The following ROBO1 variants were observed in gnomAD, a reference collection of about 807,000 sequenced individuals.
ROBO1 encodes roundabout homolog 1.
A neutral mutation model predicts 195.9 loss-of-function variants in ROBO1; 149 were observed. The ratio of observed to expected loss-of-function variants is 0.76; its 90% CI spans 0.67 to 0.87. The LOEUF (loss-of-function observed/expected upper bound fraction) is 0.87, where lower values mean the gene tolerates loss of function less well. Ranked by LOEUF, ROBO1 falls within the 40% of genes least tolerant of loss-of-function variation. ROBO1 has a pLI of 0.00. For missense variants in ROBO1, 1,933 were observed against 2,068.3 expected (o/e 0.93, Z 1.27); for synonymous variants, 816 against 733.2 (o/e 1.11, Z -1.82).
chr3:79,516,506 A>G lies in ROBO1; in HGVS notation c.88+73318T>C, dbSNP rs1940951031. On this transcript the variant is annotated intron_variant, in intron 2 of 30. Transcript: ENST00000464233. ...CAATCCTCCCTACTGCCACACTGAT[A>G]CACAGACTGCCATTATTTTTAGTTA... 2.0e-5 allele frequency among the ~76,000 whole-genome samples: 3 copies of G among 152,158 alleles called. No homozygotes were observed. The South Asian group carries it at 6.2e-4, about 32-fold the overall frequency.
chr3:79,285,467 A>G (rs2031829220), intron 2 of ROBO1, among the ~76,000 whole-genome samples: 1 of 152,194 alleles, frequency 6.6e-6, no homozygotes, highest in South Asian at 2.1e-4. Context: ...ACACTACTCA[A>G]TCTGTGCCTA....
At chr3:79,499,795 A>T (rs1488103929) in intron 2 of ROBO1, among the ~76,000 whole-genome samples, 1 of 152,160 alleles carries the variant, frequency 6.6e-6, no homozygotes, top group Non-Finnish European at 1.5e-5. Context: ...CTTCATTAAG[A>T]TCAATGACTG....
intron 4 of ROBO1, among the ~76,000 whole-genome samples, chr3:78,879,235 G>A (rs1180497994): frequency 6.6e-6 from 1 of 151,966 alleles, no homozygotes; most frequent in Admixed American, 6.6e-5. Flanking sequence ...TTACACGCAG[G>A]GTTGAAGACA....
At chr3:79,631,576 GC>G (rs1472419503) in intron 1 of ROBO1, among the ~76,000 whole-genome samples, 1 of 151,908 alleles carries the variant, frequency 6.6e-6, no homozygotes, top group Non-Finnish European at 1.5e-5. Context: ...ATGGACCCAG[GC>G]AAAAAATTTA....
chr3:79,745,294 T>C (rs1219543697), intron 1 of ROBO1, among the ~76,000 whole-genome samples: 1 of 152,206 alleles, frequency 6.6e-6, no homozygotes, highest in African/African-American at 2.4e-5. Context: ...TACTTAAAGA[T>C]GTTAAAACAC....
At chr3:79,235,931 A>G (rs1271939617) in intron 2 of ROBO1, among the ~76,000 whole-genome samples, 4 of 152,296 alleles carry the variant, frequency 2.6e-5, no homozygotes, top group Admixed American at 6.5e-5. Context: ...AATGAAAATA[A>G]TGACAACAAT....
At chr3:79,207,960 T>A (rs2108794730) in intron 2 of ROBO1, among the ~76,000 whole-genome samples, 1 of 152,194 alleles carries the variant, frequency 6.6e-6, no homozygotes, top group Non-Finnish European at 1.5e-5. Context: ...GAGGTGAAAA[T>A]ATCTGACATA....
intron 5 of ROBO1, among the ~76,000 whole-genome samples, chr3:78,739,361 T>C (rs2082468721): frequency 1.3e-5 from 2 of 152,174 alleles, no homozygotes. Flanking sequence ...TCATTTGTTA[T>C]ATAATATCTC....
intron 2 of ROBO1, among the ~76,000 whole-genome samples, chr3:79,402,512 T>C (rs898616049): frequency 1.3e-5 from 2 of 151,896 alleles, no homozygotes; most frequent in African/African-American, 4.8e-5. Flanking sequence ...ATTACAGCAC[T>C]AATAATAATA....
chr3:79,305,487 CAAA>C (rs755731665), intron 2 of ROBO1, among the ~76,000 whole-genome samples: 11 of 55,692 alleles, frequency 2.0e-4, no homozygotes, highest in Non-Finnish European at 3.6e-4. Context: ...AACTCCATCT[CAAA>C]AAAAAAAAAA....
intron 4 of ROBO1, among the ~76,000 whole-genome samples, chr3:78,854,625 T>C (rs1156802250): frequency 1.3e-5 from 2 of 151,538 alleles, no homozygotes; most frequent in African/African-American, 4.8e-5. Context: ...AAAGCATGTA[T>C]TAGTTTTATA....
chr3:78,939,378 G>A (rs1022622736), intron 3 of ROBO1, among the ~76,000 whole-genome samples: 3 of 151,956 alleles, frequency 2.0e-5, no homozygotes, highest in South Asian at 2.1e-4. Flanking sequence ...ACTTTGGGGG[G>A]CCGAGGCGGG....
At chr3:79,214,501 C>A (rs1429093417) in intron 2 of ROBO1, among the ~76,000 whole-genome samples, 1 of 151,882 alleles carries the variant, frequency 6.6e-6, no homozygotes, top group East Asian at 1.9e-4. Context: ...AAATTACTGA[C>A]CTTATAGTAT....
At chr3:79,006,227 G>C (rs1164981052) in intron 3 of ROBO1, among the ~76,000 whole-genome samples, 1 of 151,446 alleles carries the variant, frequency 6.6e-6, no homozygotes, top group Non-Finnish European at 1.5e-5. Flanking sequence ...ACTTTGCCTG[G>C]CTCAACAAAT....
At chr3:79,502,705 G>A (rs1940159830) in intron 2 of ROBO1, among the ~76,000 whole-genome samples, 1 of 32,136 alleles carries the variant, frequency 3.1e-5, no homozygotes, top group Non-Finnish European at 5.6e-5. Context: ...GGGACTTGGA[G>A]AATCTTTATG....
intron 2 of ROBO1, among the ~76,000 whole-genome samples, chr3:79,364,252 A>AT (rs71127381): frequency 6.6e-5 from 9 of 136,952 alleles, no homozygotes; most frequent in Non-Finnish European, 1.4e-4. Context: ...ATATATATAT[A>AT]CATATATATA....
At position 78,995,231 on chromosome 3, in the gene ROBO1, C is replaced by G. The variant is rs113110202; in HGVS notation, c.173-56304G>C. ...CACAAGGCACATTCATCGCCAGGAG[C>G]CTTGATTTCTACCTGCAAAGTATGT... On this transcript the variant is annotated intron_variant, in intron 3 of 30. Coordinates refer to ENST00000464233, the MANE Select transcript of ROBO1 (RefSeq NM_002941.4). Among the ~76,000 whole-genome samples, 104 of 152,296 alleles carry G rather than the reference C, an allele frequency of 6.8e-4. 2 individuals are homozygous for G. Among genetic ancestry groups the G allele is most frequent in the African/African-American group, 2.5e-3 (102 of 41,572 alleles).
At chr3:79,344,853 C>G (rs891959445) in intron 2 of ROBO1, among the ~76,000 whole-genome samples, 3 of 152,040 alleles carry the variant, frequency 2.0e-5, no homozygotes, top group African/African-American at 7.2e-5. Flanking sequence ...ATGCTGGTCT[C>G]ATAATAGTGA....
intron 2 of ROBO1, among the ~76,000 whole-genome samples, chr3:79,460,888 CA>C (rs1261578408): frequency 6.6e-6 from 1 of 152,006 alleles, no homozygotes; most frequent in East Asian, 1.9e-4. Flanking sequence ...GCTGGGACTA[CA>C]GACGCCCACC....
Sources: allele counts gnomAD v4.1 joint callset (sites outside exome capture counted in the v4.1 genomes callset), GRCh38; gene constraint gnomAD v4.1.1; transcripts MANE v1.5; gene names NCBI Gene and HGNC (gene_info 2026-07-23, HGNC 2026-07-21).